COL4A3: variants seen among roughly 807,000 people sequenced by gnomAD.
COL4A3 encodes the protein collagen alpha-3(IV) chain.
In COL4A3, 135 loss-of-function variants were observed where a neutral mutation model predicts 217.4. That is an observed-to-expected ratio of 0.62 (90% CI 0.54 to 0.72). COL4A3 has a LOEUF of 0.72. Among genes scored for constraint, COL4A3 ranks in the 30% least tolerant of loss-of-function variants. The probability of loss-of-function intolerance (pLI) is 0.00; values close to 1 mark genes in which losing one functional copy is unlikely to be tolerated. For missense variants in COL4A3, 1,868 were observed against 2,119.9 expected, an observed-to-expected ratio of 0.88 and a Z score of 2.33; for synonymous variants, 690 against 736.3, an observed-to-expected ratio of 0.94 and a Z score of 1.02.
At chr2:227,306,974 A>C (rs1011596343) in intron 47 of COL4A3, among the ~76,000 whole-genome samples, 5 of 152,166 alleles carry the variant, frequency 3.3e-5, no homozygotes, top group Non-Finnish European at 5.9e-5. Context: ...AGAAAGGAGA[A>C]GGAAGTTAAA....
chr2:227,313,546 T>G lies in COL4A3; in HGVS notation c.*1676T>G, dbSNP rs534227261. 30 of 152,630 alleles carry G rather than the reference T, an allele frequency of 2.0e-4. No individual in the cohort carries two copies. Among genetic ancestry groups the G allele is most frequent in the Non-Finnish European group, 3.8e-4 (26 of 68,042 alleles). The allele number at this position is 152,630 out of a possible 1,614,324, so 9.5% of individuals were successfully genotyped here. ...TGATCTACCTAGGTGGAGTTGGTGG[T>G]GCTGATATTTAAATTCAGGCTACTG... On this transcript the variant is annotated 3_prime_UTR_variant, in exon 52 of 52. Coordinates refer to ENST00000396578, the MANE Select transcript of COL4A3 (RefSeq NM_000091.5).
intron 1 of COL4A3, among the ~76,000 whole-genome samples, chr2:227,202,240 G>A (rs186002412): frequency 2.0e-4 from 30 of 152,256 alleles, no homozygotes; most frequent in African/African-American, 7.0e-4. Context: ...CCTGTATTCG[G>A]AGAGCTATGT....
At chr2:227,259,911 A>G in intron 19 of COL4A3, 34 bp downstream of exon 19, 1 of 1,487,438 alleles carries the variant, frequency 6.7e-7, no homozygotes. Flanking sequence ...GCATTTGCTG[A>G]ACATATTTCT....
At chr2:227,196,874 T>A (rs1419492390) in intron 1 of COL4A3, among the ~76,000 whole-genome samples, 2 of 151,010 alleles carry the variant, frequency 1.3e-5, no homozygotes, top group African/African-American at 4.9e-5. Flanking sequence ...GTGGTTTGGA[T>A]GTGTCCCCAC....
intron 1 of COL4A3, among the ~76,000 whole-genome samples, chr2:227,184,222 C>T (rs1463743425): frequency 6.6e-6 from 1 of 152,170 alleles, no homozygotes; most frequent in Non-Finnish European, 1.5e-5. Flanking sequence ...TGCAGACCAG[C>T]AAGTGCACAT....
At chr2:227,177,368 G>A (rs980578621) in intron 1 of COL4A3, among the ~76,000 whole-genome samples, 5 of 151,888 alleles carry the variant, frequency 3.3e-5, no homozygotes, top group Admixed American at 1.3e-4. Flanking sequence ...TGTTAGCCAG[G>A]ATGGTCTCAA....
Position 227,238,013 on chromosome 2 carries a change from A to C in COL4A3, c.133A>C (p.Lys45Gln). The change falls in exon 2 of 52, where the codon AAA (lysine) becomes CAA (glutamine). Residue 45 changes from lysine (K) to glutamine (Q), a missense_variant. By Grantham distance (53) the Lys-to-Gln change is moderately conservative. Around this residue, in one of 2 missense-constraint regions of COL4A3, gnomAD observed 365 missense variants for 333.8 expected, o/e 1.09. Coordinates refer to ENST00000396578, the MANE Select transcript of COL4A3 (RefSeq NM_000091.5). ...DKGQCFCDGA[K>Q]GEKGEKGFPG... ...AGGCCAGTGCTTCTGTGACGGGGCC[A>C]AAGGGGAGAAGGTAAAAACAAACCC... 1 of 1,605,940 alleles carries C rather than the reference A, an allele frequency of 6.2e-7. No individual in the cohort carries two copies. Among genetic ancestry groups the C allele is most frequent in the East Asian group, 2.2e-5 (1 of 44,800 alleles).
At chr2:227,182,825 C>CAT (rs1160697998) in intron 1 of COL4A3, among the ~76,000 whole-genome samples, 2 of 152,168 alleles carry the variant, frequency 1.3e-5, no homozygotes, top group African/African-American at 4.8e-5. Flanking sequence ...AGCTATCACA[C>CAT]ATATATCCAA....
rs529998472 is a variant in COL4A3 at position 227,288,323 on chromosome 2, C to G, written c.2882-827C>G. Among the ~76,000 whole-genome samples, 4 of 152,290 alleles carry G rather than the reference C, an allele frequency of 2.6e-5. No homozygotes were observed. In the South Asian group the frequency reaches 8.3e-4, roughly 32 times the overall value. On this transcript the variant is annotated intron_variant, in intron 34 of 51. Coordinates refer to ENST00000396578, the MANE Select transcript of COL4A3 (RefSeq NM_000091.5). Reference sequence around the variant, plus strand: ...TGTTGGCCAGGCTGGTCTCGAACTCCTGACCTCAAATGTTCTGCCCACCTC... The same window carrying G: ...TGTTGGCCAGGCTGGTCTCGAACTCGTGACCTCAAATGTTCTGCCCACCTC...
chr2:227,195,283 T>C (rs1559811613), intron 1 of COL4A3, among the ~76,000 whole-genome samples: 3 of 63,004 alleles, frequency 4.8e-5, no homozygotes, highest in Non-Finnish European at 9.7e-5. Flanking sequence ...TCCCAAATCC[T>C]GAAAAAAAAA....
chr2:227,234,805 T>C (rs2068602189), intron 1 of COL4A3, among the ~76,000 whole-genome samples: 1 of 152,212 alleles, frequency 6.6e-6, no homozygotes, highest in Admixed American at 6.5e-5. Flanking sequence ...ATGTGACTCT[T>C]ACTCCAAGAA....
intron 1 of COL4A3, among the ~76,000 whole-genome samples, chr2:227,232,252 A>G (rs1237683178): frequency 1.3e-5 from 2 of 152,100 alleles, no homozygotes; most frequent in Non-Finnish European, 2.9e-5. Flanking sequence ...GCTATAGTAT[A>G]CTCTGGTTTC....
At chr2:227,186,116 T>C (rs567735406) in intron 1 of COL4A3, among the ~76,000 whole-genome samples, 2 of 152,350 alleles carry the variant, frequency 1.3e-5, no homozygotes, top group South Asian at 4.1e-4. Context: ...CTTCTGTTTC[T>C]AAAGATTTGC....
chr2:227,254,846 G>T, intron 15 of COL4A3, 131 bp downstream of exon 15: 2 of 735,494 alleles, frequency 2.7e-6, no homozygotes, highest in Middle Eastern at 4.6e-4. Flanking sequence ...GATTTGGGAG[G>T]CAGGATTTAC....
chr2:227,284,160 A>AC (rs1559899289), intron 33 of COL4A3, 51 bp from the exon 34 acceptor site: 2 of 1,612,992 alleles, frequency 1.2e-6, no homozygotes, highest in Admixed American at 3.3e-5. Flanking sequence ...TTTAATCCCT[A>AC]TGAACTACCT....
chr2:227,237,272 G>A (rs371311038), intron 1 of COL4A3, among the ~76,000 whole-genome samples: 2 of 152,086 alleles, frequency 1.3e-5, no homozygotes, highest in Non-Finnish European at 2.9e-5. Context: ...ATGTGTAATG[G>A]GTATTGATCC....
chr2:227,177,223 C>T (rs1459225512), intron 1 of COL4A3, among the ~76,000 whole-genome samples: 1 of 151,024 alleles, frequency 6.6e-6, no homozygotes, highest in African/African-American at 2.4e-5. Context: ...CATCTAGGCC[C>T]ACTGCAAGCT....
At chr2:227,208,240 C>G (rs961412647) in intron 1 of COL4A3, among the ~76,000 whole-genome samples, 1 of 152,218 alleles carries the variant, frequency 6.6e-6, no homozygotes, top group African/African-American at 2.4e-5. Flanking sequence ...CCCCTTCTTG[C>G]CTGGGGACCA....
rs113134103 is a variant in COL4A3 at position 227,257,752 on chromosome 2, A to G, written c.1029+108A>G. The G allele has an allele frequency of 4.0e-4, 407 of 1,017,862 alleles. 1 individual carries two copies. In the African/African-American group the frequency reaches 5.7e-3, roughly 14 times the overall value. The allele number at this position is 1,017,862 out of a possible 1,614,324, so 63.1% of individuals were successfully genotyped here. ...CATTAACTGTGTGAGAGAGATTATA[A>G]CATTTACCTTGTTGTCAAACCAGGG... is the stretch of plus-strand genomic sequence containing the variant. On this transcript the variant is annotated intron_variant, in intron 18 of 51. Coordinates refer to ENST00000396578, the MANE Select transcript of COL4A3 (RefSeq NM_000091.5).
Sources: gnomAD v4.1 joint callset for allele counts (sites outside exome capture counted in the v4.1 genomes callset) on GRCh38, gnomAD v4.1.1 for gene constraint, gnomAD v4.1.1 regional missense constraint, MANE v1.5 for transcripts, NCBI Gene and HGNC (gene_info 2026-07-23, HGNC 2026-07-21) for gene names.